LRRC7: variants seen among roughly 807,000 people sequenced by gnomAD.
The protein encoded by LRRC7 is leucine-rich repeat-containing protein 7.
LRRC7 carries 23 observed loss-of-function variants against 175.7 expected under a neutral mutation model. That is an observed-to-expected ratio of 0.13 (90% CI 0.09 to 0.19). LRRC7 has a LOEUF of 0.19. Among genes scored for constraint, LRRC7 ranks in the 10% least tolerant of loss-of-function variants. The pLI, the probability that LRRC7 is intolerant of heterozygous loss-of-function variation, is 1.00. For synonymous variants in LRRC7, 685 were observed against 680.9 expected (o/e 1.01, Z -0.09); for missense variants, 1,354 against 1,904.7 (o/e 0.71, Z 5.38).
At chr1:69,668,519 C>T (rs1299452147) in intron 1 of LRRC7, among the ~76,000 whole-genome samples, 1 of 152,194 alleles carries the variant, frequency 6.6e-6, no homozygotes, top group Non-Finnish European at 1.5e-5. Flanking sequence ...CGTATATGTG[C>T]CACATTTTCT....
intron 1 of LRRC7, among the ~76,000 whole-genome samples, chr1:69,644,772 T>C (rs1436620825): frequency 6.6e-6 from 1 of 151,784 alleles, no homozygotes; most frequent in Non-Finnish European, 1.5e-5. Flanking sequence ...TCTACCAATA[T>C]ATAAAAAAAA....
intron 21 of LRRC7, 77 bp downstream of exon 21, chr1:70,039,870 G>A (rs1231708198): frequency 1.3e-6 from 2 of 1,487,554 alleles, no homozygotes; most frequent in Admixed American, 2.3e-5. Flanking sequence ...AGCACATGTA[G>A]TGAAGCATGA....
At chr1:70,059,959 C>T (rs113164471) in intron 23 of LRRC7, among the ~76,000 whole-genome samples, 5,225 of 151,974 alleles carry the variant, frequency 0.034, 196 homozygotes, top group African/African-American at 0.1. Flanking sequence ...AAAATCACCT[C>T]AACCTATATA....
chr1:69,691,344 G>A (rs553757675), intron 2 of LRRC7, among the ~76,000 whole-genome samples: 91 of 151,998 alleles, frequency 6.0e-4, no homozygotes, highest in Admixed American at 9.8e-4. Flanking sequence ...GTTTTATCTC[G>A]TTGTTTGCAT....
intron 8 of LRRC7, among the ~76,000 whole-genome samples, chr1:69,967,229 T>C (rs1651754995): frequency 2.0e-5 from 3 of 152,044 alleles, no homozygotes; most frequent in African/African-American, 7.2e-5. Flanking sequence ...GCCATAATCC[T>C]CCTGGGAACA....
chr1:69,603,542 T>C (rs1207444598), intron 1 of LRRC7, among the ~76,000 whole-genome samples: 1 of 152,196 alleles, frequency 6.6e-6, no homozygotes, highest in Non-Finnish European at 1.5e-5. Context: ...TAACTTGTAT[T>C]ACTGAAGTAG....
chr1:69,875,755 T>A lies in LRRC7; in HGVS notation c.647+37472T>A, dbSNP rs911757966. Among the ~76,000 whole-genome samples, 3 of 152,122 alleles carry A rather than the reference T, an allele frequency of 2.0e-5. No homozygotes were observed. In the East Asian group the frequency reaches 5.8e-4, roughly 29 times the overall value. On this transcript the variant is annotated intron_variant, in intron 7 of 26. Coordinates refer to ENST00000651989, the MANE Select transcript of LRRC7 (RefSeq NM_001370785.2). ...AAATGATAATAAGATGAAATATTTT[T>A]ATATGCATCTATATTGAAATAATTG...
intron 7 of LRRC7, among the ~76,000 whole-genome samples, chr1:69,851,441 G>A (rs1682972249): frequency 6.6e-6 from 1 of 152,086 alleles, no homozygotes; most frequent in South Asian, 2.1e-4. Context: ...AGGAATTAAT[G>A]ATGCAGAAGA....
At chr1:69,912,370 C>T (rs1181351059) in intron 7 of LRRC7, among the ~76,000 whole-genome samples, 3 of 152,110 alleles carry the variant, frequency 2.0e-5, no homozygotes, top group African/African-American at 7.2e-5. Flanking sequence ...TTTAAAACAG[C>T]TTAACTTGGC....
rs567662282 is a variant in LRRC7 at position 70,007,915 on chromosome 1, T to A, written c.1005-3882T>A. ...AGTAGTAGCAGTGTCAGCATTCCCA[T>A]GGGCAACTATTTCTTGTATGATTTC... On this transcript the variant is annotated intron_variant, in intron 11 of 26. Coordinates refer to ENST00000651989, the MANE Select transcript of LRRC7 (RefSeq NM_001370785.2). 2.4e-3 allele frequency among the ~76,000 whole-genome samples: 372 copies of A among 152,288 alleles called. 2 individuals are homozygous for A. The highest frequency in any genetic ancestry group is 3.6e-3 in the Non-Finnish European group (244 of 68,010).
At chr1:70,121,728 T>TA in intron 26 of LRRC7, 52 bp from the exon 27 acceptor site, 1 of 1,179,352 alleles carries the variant, frequency 8.5e-7, no homozygotes. Flanking sequence ...GAAACAACGA[T>TA]ACAGTGATAA....
At chr1:69,645,448 A>G (rs535398890) in intron 1 of LRRC7, among the ~76,000 whole-genome samples, 1 of 152,102 alleles carries the variant, frequency 6.6e-6, no homozygotes, top group Admixed American at 6.6e-5. Flanking sequence ...TGTGTTCTTT[A>G]TGGAATTGCA....
chr1:69,639,920 G>A (rs997319492), intron 1 of LRRC7, among the ~76,000 whole-genome samples: 17 of 151,548 alleles, frequency 1.1e-4, no homozygotes, highest in African/African-American at 3.9e-4. Flanking sequence ...AAATAGCTGG[G>A]AAAATAAAAA....
chr1:69,810,040 A>C (rs769303988), intron 4 of LRRC7, among the ~76,000 whole-genome samples: 29 of 152,180 alleles, frequency 1.9e-4, no homozygotes, highest in Non-Finnish European at 3.7e-4. Flanking sequence ...CTCAGCCCAA[A>C]ATCTCCTTAA....
At chr1:69,935,654 C>T (rs898060586) in intron 8 of LRRC7, among the ~76,000 whole-genome samples, 2 of 152,044 alleles carry the variant, frequency 1.3e-5, no homozygotes, top group African/African-American at 4.8e-5. Flanking sequence ...TATTTTTGCT[C>T]ATTTTTCTAT....
intron 1 of LRRC7, among the ~76,000 whole-genome samples, chr1:69,676,258 CCTCT>C (rs1426780188): frequency 1.3e-5 from 2 of 151,994 alleles, no homozygotes; most frequent in East Asian, 3.9e-4. Context: ...GGAACATAAT[CCTCT>C]CTCTATGCTA....
At chr1:69,939,603 A>G (rs1261898685) in intron 8 of LRRC7, among the ~76,000 whole-genome samples, 1 of 152,150 alleles carries the variant, frequency 6.6e-6, no homozygotes, top group African/African-American at 2.4e-5. Context: ...GTTAGCTCAC[A>G]GCTGAAAAGC....
chr1:69,883,034 TC>T (rs914366069), intron 7 of LRRC7, among the ~76,000 whole-genome samples: 11 of 152,098 alleles, frequency 7.2e-5, no homozygotes, highest in African/African-American at 2.7e-4. Flanking sequence ...TTGGGTTGGT[TC>T]CAAGTCTTTG....
At chr1:69,865,891 T>C (rs1684903859) in intron 7 of LRRC7, among the ~76,000 whole-genome samples, 1 of 152,002 alleles carries the variant, frequency 6.6e-6, no homozygotes, top group African/African-American at 2.4e-5. Flanking sequence ...CAGTAATGAG[T>C]GAAAACAAAG....
Sources: gnomAD v4.1 joint callset for allele counts (sites outside exome capture counted in the v4.1 genomes callset) on GRCh38, gnomAD v4.1.1 for gene constraint, MANE v1.5 for transcripts, NCBI Gene and HGNC (gene_info 2026-07-23, HGNC 2026-07-21) for gene names.